Variants in STXBP5L observed in about 807,000 individuals in gnomAD.
STXBP5L encodes the protein syntaxin binding protein 5L.
In STXBP5L, 65 loss-of-function variants were observed where a neutral mutation model predicts 144.5. That is an observed-to-expected ratio of 0.45 (90% confidence interval 0.37 to 0.55). The LOEUF is 0.55. STXBP5L is among the 20% of genes least tolerant of loss of function. The pLI is 0.00. For synonymous variants in STXBP5L, 505 were observed against 469.6 expected (o/e 1.08, Z -0.97); for missense variants, 1,298 against 1,405.5 (o/e 0.92, Z 1.22).
intron 12 of STXBP5L, 129 bp downstream of exon 12, chr3:121,233,817 T>C (rs1255571559): frequency 2.2e-5 from 15 of 682,016 alleles, no homozygotes; most frequent in Non-Finnish European, 3.4e-5. Context: ...AAATGCACTT[T>C]GGTTCAATGG....
At chr3:121,012,011 A>T (rs955475628) in intron 3 of STXBP5L, among the ~76,000 whole-genome samples, 6 of 151,684 alleles carry the variant, frequency 4.0e-5, no homozygotes, top group Admixed American at 2.0e-4. Flanking sequence ...CTATGGATCT[A>T]TTTTCTGTCT....
At chr3:120,951,637 T>G (rs1711236056) in intron 2 of STXBP5L, among the ~76,000 whole-genome samples, 1 of 152,024 alleles carries the variant, frequency 6.6e-6, no homozygotes, top group South Asian at 2.1e-4. Context: ...ATGGCAATCA[T>G]TAAAAAGTCA....
At chr3:121,226,392 T>C (rs1478480978) in intron 11 of STXBP5L, among the ~76,000 whole-genome samples, 1 of 152,136 alleles carries the variant, frequency 6.6e-6, no homozygotes, top group Non-Finnish European at 1.5e-5. Context: ...GAGAGCCCCA[T>C]TAGAGTGTGG....
chr3:121,054,735 A>C (rs1250149933), intron 5 of STXBP5L, among the ~76,000 whole-genome samples: 2 of 152,108 alleles, frequency 1.3e-5, no homozygotes, highest in Non-Finnish European at 2.9e-5. Context: ...AACTTAAAGT[A>C]TAATAATAAT....
intron 22 of STXBP5L, among the ~76,000 whole-genome samples, chr3:121,388,706 G>C (rs1486468676): frequency 6.6e-6 from 1 of 152,128 alleles, no homozygotes; most frequent in East Asian, 1.9e-4. Context: ...ATTGATTTCT[G>C]TATGTTGAAC....
intron 3 of STXBP5L, among the ~76,000 whole-genome samples, chr3:120,958,858 CCT>C (rs1328960688): frequency 6.6e-6 from 1 of 152,028 alleles, no homozygotes. Context: ...ACAGGGATGC[CCT>C]CTCTCACCAC....
At chr3:121,005,071 G>C (rs1421295890) in intron 3 of STXBP5L, among the ~76,000 whole-genome samples, 1 of 152,150 alleles carries the variant, frequency 6.6e-6, no homozygotes, top group East Asian at 1.9e-4. Context: ...TTCATAAAAT[G>C]AGTTAGGGAG....
intron 5 of STXBP5L, among the ~76,000 whole-genome samples, chr3:121,057,952 TTATG>T (rs1948575937): frequency 1.3e-5 from 2 of 151,436 alleles, no homozygotes; most frequent in Admixed American, 1.3e-4. Context: ...GCTCTTTTAT[TTATG>T]TTTTTTGTTG....
At chr3:121,083,940 C>T (rs2042370013) in intron 5 of STXBP5L, among the ~76,000 whole-genome samples, 1 of 151,974 alleles carries the variant, frequency 6.6e-6, no homozygotes, top group Non-Finnish European at 1.5e-5. Flanking sequence ...CTCATTGTTT[C>T]ATTCCTGATG....
intron 20 of STXBP5L, among the ~76,000 whole-genome samples, chr3:121,362,136 A>T (rs1277865733): frequency 6.6e-6 from 1 of 152,224 alleles, no homozygotes; most frequent in Non-Finnish European, 1.5e-5. Flanking sequence ...TCTCCCAAAC[A>T]TACAGAGTCT....
intron 19 of STXBP5L, among the ~76,000 whole-genome samples, chr3:121,286,587 T>C (rs2051239395): frequency 6.6e-6 from 1 of 151,778 alleles, no homozygotes. Flanking sequence ...TAGGGAAAAA[T>C]GAGATAAGGT....
At chr3:121,286,781 G>C (rs2051246988) in intron 19 of STXBP5L, among the ~76,000 whole-genome samples, 1 of 151,340 alleles carries the variant, frequency 6.6e-6, no homozygotes, top group African/African-American at 2.4e-5. Context: ...CCCCAAAATA[G>C]ACAAAATAAA....
chr3:121,180,361 C>T (rs962805417), intron 9 of STXBP5L, among the ~76,000 whole-genome samples: 3 of 152,204 alleles, frequency 2.0e-5, no homozygotes, highest in African/African-American at 4.8e-5. Flanking sequence ...GAAGGAGAGA[C>T]GTAAAGTCTT....
intron 7 of STXBP5L, among the ~76,000 whole-genome samples, chr3:121,130,715 G>T (rs1161153327): frequency 2.0e-5 from 3 of 152,020 alleles, no homozygotes; most frequent in African/African-American, 4.8e-5. Context: ...ACTGTATTAT[G>T]CATTTCATAT....
At chr3:121,266,991 G>A (rs769486601) in intron 18 of STXBP5L, among the ~76,000 whole-genome samples, 19 of 150,456 alleles carry the variant, frequency 1.3e-4, no homozygotes, top group Admixed American at 8.6e-4. Context: ...AAAACATTCC[G>A]TGCTCATAGA....
In STXBP5L at chr3:121,224,511, C is replaced by A. The variant is rs185400381; in HGVS notation, c.1111+1354C>A. Among the ~76,000 whole-genome samples, 418 of 152,220 alleles carry A rather than the reference C, an allele frequency of 2.7e-3. 3 individuals carry two copies. The highest frequency in any genetic ancestry group is 9.1e-3 in the African/African-American group (378 of 41,560). On this transcript the variant is annotated intron_variant, in intron 11 of 26. Transcript: ENST00000471454. Reference sequence around the variant, plus strand: ...AAAGTATTAAACTAATCTCTGATGTCAAATTGCATAAAATCTGGTCAGATG... The same window carrying A: ...AAAGTATTAAACTAATCTCTGATGTAAAATTGCATAAAATCTGGTCAGATG...
intron 3 of STXBP5L, among the ~76,000 whole-genome samples, chr3:121,000,763 T>A (rs1250886886): frequency 6.6e-6 from 1 of 152,238 alleles, no homozygotes; most frequent in African/African-American, 2.4e-5. Flanking sequence ...ATCTTTGAAG[T>A]TGCTGTCCTT....
chr3:121,090,713 A>G (rs975460282), intron 5 of STXBP5L, among the ~76,000 whole-genome samples: 1 of 152,132 alleles, frequency 6.6e-6, no homozygotes, highest in African/African-American at 2.4e-5. Flanking sequence ...TTGATCATGT[A>G]CAGTTTAGCT....
chr3:120,932,591 C>T (rs1710002540), intron 2 of STXBP5L, among the ~76,000 whole-genome samples: 1 of 52,268 alleles, frequency 1.9e-5, no homozygotes. Flanking sequence ...ATAAAATTAA[C>T]ACTGTTGGGA....
Sources: gnomAD v4.1 joint callset for allele counts (sites outside exome capture counted in the v4.1 genomes callset) on GRCh38, gnomAD v4.1.1 for gene constraint, MANE v1.5 for transcripts, NCBI Gene and HGNC (gene_info 2026-07-23, HGNC 2026-07-21) for gene names.